The following PCBP3 variants were observed in gnomAD, a reference collection of about 807,000 sequenced individuals.
PCBP3 encodes poly(rC) binding protein 3.
In PCBP3, 25 loss-of-function variants were observed where a neutral mutation model predicts 52.7. The observed-to-expected ratio is 0.47, with a 90% CI of 0.35 to 0.66. The LOEUF (loss-of-function observed/expected upper bound fraction) is 0.66, where lower values mean the gene tolerates loss of function less well. PCBP3 is among the 30% of genes least tolerant of loss of function. The pLI is 0.01. For synonymous variants in PCBP3, 162 were observed against 183.0 expected, an observed-to-expected ratio of 0.89 and a Z score of 0.93; for missense variants, 391 against 490.3, an observed-to-expected ratio of 0.80 and a Z score of 1.91.
chr21:45,783,621 G>A (rs1307138082), intron 4 of PCBP3, among the ~76,000 whole-genome samples: 2 of 152,324 alleles, frequency 1.3e-5, no homozygotes, highest in East Asian at 1.9e-4. Flanking sequence ...GGATTTTAAC[G>A]TTGCAAGCTT....
chr21:45,702,020 A>G (rs1252610391), intron 2 of PCBP3, among the ~76,000 whole-genome samples: 1 of 152,244 alleles, frequency 6.6e-6, no homozygotes, highest in Non-Finnish European at 1.5e-5. Context: ...TGATTGAATT[A>G]TGTGAAGAAA....
chr21:45,740,612 G>GTGTA (rs1569169903), intron 3 of PCBP3, among the ~76,000 whole-genome samples: 4 of 110,624 alleles, frequency 3.6e-5, no homozygotes, highest in African/African-American at 1.5e-4. Context: ...GTGTGTGTGT[G>GTGTA]GTGTGTGTAG....
chr21:45,848,919 A>G (rs1383448598), intron 4 of PCBP3, among the ~76,000 whole-genome samples: 1 of 152,210 alleles, frequency 6.6e-6, no homozygotes, highest in Admixed American at 6.5e-5. Context: ...TTTTAAAAGC[A>G]CTTGGATTTT....
chr21:45,917,355 C>T lies in PCBP3; in HGVS notation c.676-233C>T. The T allele has an allele frequency of 2.7e-6, 1 of 371,196 alleles. No individual in the cohort carries two copies. Among genetic ancestry groups the T allele is most frequent in the Non-Finnish European group, 5.1e-6 (1 of 196,178 alleles). 23.0% of individuals were successfully genotyped at this position (371,196 alleles called of 1,614,324 possible). ...TCAAGGCTGAACTGTTTCCCTCCCA[C>T]CCGCTGAACTGGCCAGCTCAGCTCT... On this transcript the variant is annotated intron_variant, in intron 12 of 17. Transcript: ENST00000681687. This position sits in a 1 kb window ranked among gnomAD's most constrained non-coding sequence, Gnocchi z 5.3.
At chr21:45,889,902 C>A (rs2095611023) in intron 5 of PCBP3, among the ~76,000 whole-genome samples, 2 of 152,252 alleles carry the variant, frequency 1.3e-5, no homozygotes, top group Non-Finnish European at 2.9e-5. Flanking sequence ...CCAAAGGGAG[C>A]TTTTAGAAGT....
At chr21:45,933,991 A>G (rs1882978714) in intron 15 of PCBP3, among the ~76,000 whole-genome samples, 1 of 152,132 alleles carries the variant, frequency 6.6e-6, no homozygotes, top group Non-Finnish European at 1.5e-5. Context: ...GTGAGGAAGT[A>G]GGAGCTCATT....
At position 45,784,420 on chromosome 21, in the gene PCBP3, C is replaced by CT. The variant is rs1555934355; in HGVS notation, c.-126+28968_-126+28969insT. Among the ~76,000 whole-genome samples the CT allele has an allele frequency of 3.2e-3, 399 of 125,136 alleles. 5 individuals are homozygous for CT. The highest frequency in any genetic ancestry group is 6.4e-3 in the East Asian group (30 of 4,718). 82.1% of individuals were successfully genotyped at this position (125,136 alleles called of 152,430 possible). A position where few individuals can be genotyped will look rare whatever the true frequency, so the allele number is the denominator to read the frequency against. ...CCGCTACCTCTACCGCTACCGCTAC[C>CT]CCTACCTCCTACCTCCTACCTCCTA... On this transcript the variant is annotated intron_variant, in intron 4 of 17. Coordinates refer to ENST00000681687, the MANE Select transcript of PCBP3 (RefSeq NM_001384156.1).
At chr21:45,693,871 T>C (rs774490713) in intron 2 of PCBP3, among the ~76,000 whole-genome samples, 3 of 152,064 alleles carry the variant, frequency 2.0e-5, no homozygotes, top group Non-Finnish European at 4.4e-5. Context: ...AGGGTAAATA[T>C]ATGAACAAAT....
intron 4 of PCBP3, among the ~76,000 whole-genome samples, chr21:45,820,495 T>C (rs919214055): frequency 6.6e-6 from 1 of 152,172 alleles, no homozygotes; most frequent in Non-Finnish European, 1.5e-5. Context: ...ATAGGACAGG[T>C]GGCTTGGGTT....
chr21:45,809,224 T>C (rs2092606148), intron 4 of PCBP3, among the ~76,000 whole-genome samples: 1 of 152,226 alleles, frequency 6.6e-6, no homozygotes, highest in Non-Finnish European at 1.5e-5. Context: ...CATTTGTGAC[T>C]TTCTGCCTGT....
At chr21:45,806,623 G>A (rs966013495) in intron 4 of PCBP3, among the ~76,000 whole-genome samples, 1 of 151,934 alleles carries the variant, frequency 6.6e-6, no homozygotes. Context: ...GTATTTCATC[G>A]TTCTTTTTTA....
chr21:45,810,763 T>C (rs1457232373), intron 4 of PCBP3, among the ~76,000 whole-genome samples: 1 of 152,226 alleles, frequency 6.6e-6, no homozygotes, highest in Non-Finnish European at 1.5e-5. Flanking sequence ...TATGTCTCTA[T>C]GTGTTTGACA....
intron 2 of PCBP3, among the ~76,000 whole-genome samples, chr21:45,671,354 C>G (rs901042605): frequency 2.6e-5 from 4 of 152,176 alleles, no homozygotes; most frequent in Non-Finnish European, 5.9e-5. Context: ...TTATCAAATC[C>G]AGTTGTCGCT....
At chr21:45,874,459 T>C (rs1327017272) in intron 5 of PCBP3, among the ~76,000 whole-genome samples, 1 of 152,132 alleles carries the variant, frequency 6.6e-6, no homozygotes, top group Non-Finnish European at 1.5e-5. Context: ...CCCAACTCTT[T>C]GCCTTCTTTC....
At chr21:45,728,645 T>C (rs1026098067) in intron 2 of PCBP3, 12 of 152,204 alleles carry the variant, frequency 7.9e-5, no homozygotes, top group Non-Finnish European at 1.8e-4. Flanking sequence ...GAAATTGATA[T>C]TATTTCTTCC....
At chr21:45,820,583 G>C (rs1039164882) in intron 4 of PCBP3, among the ~76,000 whole-genome samples, 10 of 152,230 alleles carry the variant, frequency 6.6e-5, no homozygotes, top group South Asian at 4.1e-4. Context: ...AGTCAAGGAG[G>C]GGGTGAGACT....
chr21:45,886,962 C>G (rs536941743), intron 5 of PCBP3, among the ~76,000 whole-genome samples: 1 of 152,216 alleles, frequency 6.6e-6, no homozygotes, highest in African/African-American at 2.4e-5. Context: ...CCGTGTCCTC[C>G]GTGGTGCCTG....
chr21:45,833,695 C>T (rs2093510009), intron 4 of PCBP3, among the ~76,000 whole-genome samples: 1 of 152,148 alleles, frequency 6.6e-6, no homozygotes, highest in Non-Finnish European at 1.5e-5. Context: ...GTGGCCAGTG[C>T]CAGTGGCAGA....
intron 11 of PCBP3, chr21:45,911,311 AGTT>A: frequency 2.4e-6 from 1 of 411,020 alleles, no homozygotes; most frequent in Non-Finnish European, 4.6e-6. Context: ...TTGGGTAAGA[AGTT>A]GTCATCCCAC....
Sources: gnomAD v4.1 joint callset for allele counts (sites outside exome capture counted in the v4.1 genomes callset) on GRCh38, gnomAD v4.1.1 for gene constraint, Gnocchi (gnomAD v3.1) non-coding constraint, MANE v1.5 for transcripts, NCBI Gene and HGNC (gene_info 2026-07-23, HGNC 2026-07-21) for gene names.